Variants in ZFHX3 observed in about 807,000 individuals in gnomAD.
ZFHX3 encodes zinc finger homeobox 3.
In ZFHX3, 42 loss-of-function variants were observed where a neutral mutation model predicts 279.1. The ratio of observed to expected loss-of-function variants is 0.15; its 90% CI spans 0.12 to 0.19. The LOEUF is 0.19. Among genes scored for constraint, ZFHX3 ranks in the 10% least tolerant of loss-of-function variants. The pLI is 1.00. For synonymous variants in ZFHX3, 2,293 were observed against 1,957.8 expected (o/e 1.17, Z -4.52); for missense variants, 4,981 against 4,754.0 (o/e 1.05, Z -1.40).
intron 2 of ZFHX3, among the ~76,000 whole-genome samples, chr16:73,507,485 CTTTTTTTTTTT>C (rs752001880): frequency 7.5e-5 from 6 of 79,762 alleles, no homozygotes; most frequent in South Asian, 5.2e-4. Flanking sequence ...AGCTCTGCCA[CTTTTTTTTTTT>C]TTTTTTTTTT....
intron 1 of ZFHX3, among the ~76,000 whole-genome samples, chr16:73,057,047 A>C (rs1965570996): frequency 6.6e-6 from 1 of 152,170 alleles, no homozygotes. Flanking sequence ...CTGCCTTTTA[A>C]AAGTCACTAG....
chr16:73,177,632 T>A lies in ZFHX3; in HGVS notation c.-1103-33801A>T, dbSNP rs768257328. 2.6e-5 allele frequency among the ~76,000 whole-genome samples: 4 copies of A among 152,338 alleles called. No homozygotes were observed. The South Asian group carries it at 8.3e-4, about 32-fold the overall frequency. ...TTATATTACCATTCAGGAGTTTCTG[T>A]GTTTCCACAGATCTCAGACTAGACC... On this transcript the variant is annotated intron_variant, in intron 5 of 17. Transcript: ENST00000641206.
chr16:72,838,389 C>T (rs73590712), intron 4 of ZFHX3, among the ~76,000 whole-genome samples: 6,442 of 152,292 alleles, frequency 0.042, 473 homozygotes, highest in African/African-American at 0.15. Flanking sequence ...GAGTATGGCC[C>T]AGCTCAACAA....
chr16:73,790,943 T>C (rs1959805316), intron 1 of ZFHX3, among the ~76,000 whole-genome samples: 1 of 152,196 alleles, frequency 6.6e-6, no homozygotes, highest in African/African-American at 2.4e-5. Context: ...CTTGTTGTGC[T>C]TACCTTCCAC....
At chr16:73,069,338 G>A (rs902189614) in intron 8 of ZFHX3, among the ~76,000 whole-genome samples, 1 of 152,158 alleles carries the variant, frequency 6.6e-6, no homozygotes, top group Admixed American at 6.5e-5. Context: ...GATGTTAAGC[G>A]GGTGGCAGGG....
chr16:73,640,960 G>A (rs866064873), intron 2 of ZFHX3, among the ~76,000 whole-genome samples: 1 of 152,158 alleles, frequency 6.6e-6, no homozygotes, highest in African/African-American at 2.4e-5. Flanking sequence ...GAGAAAAGCA[G>A]ATCATACAAA....
chr16:73,788,114 AGAACAGTAG>A (rs1959709290), intron 1 of ZFHX3, among the ~76,000 whole-genome samples: 1 of 152,168 alleles, frequency 6.6e-6, no homozygotes, highest in African/African-American at 2.4e-5. Flanking sequence ...GAACCTGGCA[AGAACAGTAG>A]CTGTAGGAGA....
chr16:73,471,668 AGG>A (rs1215599496), intron 2 of ZFHX3, among the ~76,000 whole-genome samples: 1 of 152,230 alleles, frequency 6.6e-6, no homozygotes, highest in Non-Finnish European at 1.5e-5. Context: ...AGGAGGGCTC[AGG>A]GGACCCTTTA....
At chr16:72,928,167 G>C (rs28540612) in intron 3 of ZFHX3, among the ~76,000 whole-genome samples, 1,324 of 39,070 alleles carry the variant, frequency 0.034, 284 homozygotes, top group African/African-American at 0.061. Context: ...GGGGAGAGAG[G>C]GAGGGGGAGG....
intron 4 of ZFHX3, among the ~76,000 whole-genome samples, chr16:72,875,088 T>C (rs576875389): frequency 3.3e-5 from 5 of 152,174 alleles, no homozygotes; most frequent in African/African-American, 7.2e-5. Context: ...TATGGGCCAG[T>C]GTTTGTTCCG....
At chr16:73,783,001 T>A (rs1265844265) in intron 1 of ZFHX3, among the ~76,000 whole-genome samples, 1 of 152,170 alleles carries the variant, frequency 6.6e-6, no homozygotes, top group Non-Finnish European at 1.5e-5. Flanking sequence ...TTTCCCCAAC[T>A]TCAGATGCTG....
intron 2 of ZFHX3, among the ~76,000 whole-genome samples, chr16:73,664,648 G>A (rs1271825389): frequency 1.3e-5 from 2 of 152,130 alleles, no homozygotes; most frequent in Non-Finnish European, 2.9e-5. Flanking sequence ...GAGATCACCA[G>A]CAATATACCC....
intron 2 of ZFHX3, among the ~76,000 whole-genome samples, chr16:73,658,641 G>C (rs1442239096): frequency 1.3e-5 from 2 of 152,106 alleles, no homozygotes; most frequent in Admixed American, 1.3e-4. Flanking sequence ...CACTTGTATA[G>C]TCAGAACCCA....
intron 3 of ZFHX3, among the ~76,000 whole-genome samples, chr16:73,416,677 T>G (rs74458145): frequency 6.6e-6 from 1 of 151,950 alleles, no homozygotes; most frequent in Non-Finnish European, 1.5e-5. Flanking sequence ...ATCGAGACCA[T>G]CCTGGCTAAC....
At chr16:72,971,878 A>ATTTTT (rs34508228) in intron 1 of ZFHX3, among the ~76,000 whole-genome samples, 20 of 95,458 alleles carry the variant, frequency 2.1e-4, no homozygotes, top group Non-Finnish European at 2.6e-4. Context: ...CTGCCTATTA[A>ATTTTT]TTTTTTTTTT....
chr16:73,180,636 G>C (rs1020500185), intron 5 of ZFHX3, among the ~76,000 whole-genome samples: 2 of 152,006 alleles, frequency 1.3e-5, no homozygotes, highest in Non-Finnish European at 2.9e-5. Flanking sequence ...GTCCCTCAGT[G>C]TGTATCACTT....
intron 7 of ZFHX3, among the ~76,000 whole-genome samples, chr16:73,104,378 G>A (rs79821057): frequency 0.028 from 4,270 of 152,044 alleles, 118 homozygotes; most frequent in South Asian, 0.14. Flanking sequence ...TTACAGGTGC[G>A]CACCACCACG....
At chr16:73,156,240 A>T (rs1362690744) in intron 5 of ZFHX3, among the ~76,000 whole-genome samples, 2 of 151,624 alleles carry the variant, frequency 1.3e-5, no homozygotes, top group Non-Finnish European at 2.9e-5. Context: ...TCAAAAAAAA[A>T]AAAAAAAAAA....
At chr16:73,150,888 C>G (rs117393098) in intron 5 of ZFHX3, among the ~76,000 whole-genome samples, 1 of 152,132 alleles carries the variant, frequency 6.6e-6, no homozygotes, top group Admixed American at 6.5e-5. Flanking sequence ...CAAAAATAAT[C>G]ACTGGCACAA....
Sources: gnomAD v4.1 joint callset for allele counts (sites outside exome capture counted in the v4.1 genomes callset) on GRCh38, gnomAD v4.1.1 for gene constraint, MANE v1.5 for transcripts, NCBI Gene and HGNC (gene_info 2026-07-23, HGNC 2026-07-21) for gene names.